ARL14EPL: variants seen among roughly 807,000 people sequenced by gnomAD.
The protein encoded by ARL14EPL is ARL14 effector protein-like.
Under a neutral mutation model 15.9 loss-of-function variants are expected in ARL14EPL, and 17 were observed. The observed-to-expected ratio is 1.07, with a 90% CI of 0.73 to 1.60. The LOEUF is 1.60. ARL14EPL is among the 40% of genes most tolerant of loss of function. The pLI, the probability that ARL14EPL is intolerant of heterozygous loss-of-function variation, is 0.00. For missense variants in ARL14EPL, 214 were observed against 185.9 expected, an observed-to-expected ratio of 1.15 and a Z score of -0.88; for synonymous variants, 78 against 63.8, an observed-to-expected ratio of 1.22 and a Z score of -1.06.
Position 116,051,578 on chromosome 5 carries a change from C to A in ARL14EPL, c.96+17C>A. 6.6e-7 allele frequency: 1 copy of A among 1,510,022 alleles called. No homozygotes were observed. Among genetic ancestry groups the A allele is most frequent in the South Asian group, 1.2e-5 (1 of 83,292 alleles). The allele number at this position is 1,510,022 out of a possible 1,614,324, so 93.5% of individuals were successfully genotyped here. ...AAACAACTGGTATGGCACACAGATT[C>A]TATGATTCCATGCTACTGGGGAGTG... is the stretch of plus-strand genomic sequence containing the variant. On this transcript the variant is annotated intron_variant, in intron 2 of 3. Coordinates refer to ENST00000686077, the MANE Select transcript of ARL14EPL (RefSeq NM_001195581.2).
At chr5:116,051,310 G>C in intron 1 of ARL14EPL, 147 bp from the exon 2 acceptor site, 3 of 594,352 alleles carry the variant, frequency 5.0e-6, no homozygotes. Context: ...GTTTAACAGT[G>C]AGTGGGAGAA....
In ARL14EPL at chr5:116,040,994, G is replaced by A. The variant is rs1278614618; in HGVS notation, c.-10+8489G>A. Among the ~76,000 whole-genome samples, 400 of 55,768 alleles carry A rather than the reference G, an allele frequency of 7.2e-3. 3 individuals carry two copies. Among genetic ancestry groups the A allele is most frequent in the Non-Finnish European group, 9.3e-3 (236 of 25,312 alleles). The allele number at this position is 55,768 out of a possible 152,430, so 36.6% of individuals were successfully genotyped here. On this transcript the variant is annotated intron_variant, in intron 1 of 3. Coordinates refer to ENST00000686077, the MANE Select transcript of ARL14EPL (RefSeq NM_001195581.2). Reference sequence around the variant, plus strand: ...GATTCCCTCTCAAAAAAAAAAAAAAGTTTTTATGCTGTGCATCAAAAAACA... The same window carrying A: ...GATTCCCTCTCAAAAAAAAAAAAAAATTTTTATGCTGTGCATCAAAAAACA...
intron 1 of ARL14EPL, among the ~76,000 whole-genome samples, chr5:116,034,063 C>G (rs1749005995): frequency 6.6e-6 from 1 of 152,144 alleles, no homozygotes; most frequent in Non-Finnish European, 1.5e-5. Flanking sequence ...GTGATGAGTC[C>G]TAGACTCTCA....
intron 1 of ARL14EPL, among the ~76,000 whole-genome samples, chr5:116,049,653 T>C (rs1160177513): frequency 6.6e-6 from 1 of 152,200 alleles, no homozygotes; most frequent in African/African-American, 2.4e-5. Context: ...GCCCTTGTGA[T>C]CTTTTAAATG....
chr5:116,054,634 A>G (rs1749471866), intron 3 of ARL14EPL, among the ~76,000 whole-genome samples: 1 of 152,198 alleles, frequency 6.6e-6, no homozygotes, highest in South Asian at 2.1e-4. Flanking sequence ...GATCTAGACC[A>G]TCCTGGCTAA....
intron 1 of ARL14EPL, among the ~76,000 whole-genome samples, chr5:116,038,226 C>T (rs1246507198): frequency 6.6e-6 from 1 of 152,098 alleles, no homozygotes; most frequent in Non-Finnish European, 1.5e-5. Flanking sequence ...GTTGCTGTGG[C>T]AGATGATGCC....
chr5:116,054,027 G>A lies in ARL14EPL; in HGVS notation c.110G>A (p.Arg37Gln), dbSNP rs1175742449. Reference protein sequence around the residue: ...IGQKQLQQIERQLKCLAFRNP... With the variant: ...IGQKQLQQIEQQLKCLAFRNP... ...TTTGTTTAATAGCAACAAATAGAGC[G>A]GCAGTTAAAATGCTTGGCATTTCGA... is the stretch of plus-strand genomic sequence containing the variant. The change falls in exon 3 of 4, where the codon CGG (arginine) becomes CAG (glutamine). Residue 37 changes from arginine to glutamine, a missense_variant. By Grantham distance (43) the Arg-to-Gln change is conservative. Transcript: ENST00000686077. The A allele has an allele frequency of 1.2e-5, 19 of 1,534,070 alleles. No individual in the cohort carries two copies. The South Asian group carries it at 1.6e-4, about 13-fold the overall frequency.
chr5:116,040,892 A>T (rs1021328400), intron 1 of ARL14EPL, among the ~76,000 whole-genome samples: 5 of 146,760 alleles, frequency 3.4e-5, no homozygotes, highest in African/African-American at 1.2e-4. Context: ...GAGGCAGGAG[A>T]ATCGCATGAA....
At chr5:116,038,076 G>A (rs114984290) in intron 1 of ARL14EPL, among the ~76,000 whole-genome samples, 2,474 of 152,232 alleles carry the variant, frequency 0.016, 86 homozygotes, top group African/African-American at 0.057. Flanking sequence ...TAGGGATGGC[G>A]GAGTGGGTTA....
intron 1 of ARL14EPL, among the ~76,000 whole-genome samples, chr5:116,037,902 G>C (rs980584975): frequency 6.6e-6 from 1 of 152,166 alleles, no homozygotes. Context: ...CATTGATGTA[G>C]GTTATACAAT....
chr5:116,045,998 A>C (rs1333903973), intron 1 of ARL14EPL, among the ~76,000 whole-genome samples: 1 of 152,186 alleles, frequency 6.6e-6, no homozygotes, highest in Non-Finnish European at 1.5e-5. Context: ...AGAGGGCAGC[A>C]AGGGAATGAC....
intron 1 of ARL14EPL, among the ~76,000 whole-genome samples, chr5:116,045,113 A>G (rs1749240501): frequency 6.6e-6 from 1 of 152,186 alleles, no homozygotes; most frequent in Non-Finnish European, 1.5e-5. Flanking sequence ...AACGAAGAGG[A>G]AAAACAAGCC....
chr5:116,058,841 A>G lies in ARL14EPL; in HGVS notation c.353A>G (p.Asn118Ser), dbSNP rs772806173. The G allele has an allele frequency of 2.1e-5, 33 of 1,535,988 alleles. No homozygotes were observed. The highest frequency in any genetic ancestry group is 2.8e-5 in the Non-Finnish European group (32 of 1,146,906). Residue 118 changes from asparagine (N) to serine (S), a missense_variant, in exon 4 of 4, where the codon AAC becomes AGC. Coordinates refer to ENST00000686077, the MANE Select transcript of ARL14EPL (RefSeq NM_001195581.2). ...CFYPCPKCNSNKCGPECRCNR... is the reference protein window; with the variant it reads ...CFYPCPKCNSSKCGPECRCNR... ...TACCCATGCCCGAAGTGTAACTCCA[A>G]CAAGTGTGGGCCCGAGTGCCGCTGC...
intron 1 of ARL14EPL, among the ~76,000 whole-genome samples, chr5:116,037,362 A>G (rs921523138): frequency 3.9e-5 from 6 of 152,258 alleles, no homozygotes; most frequent in African/African-American, 1.2e-4. Flanking sequence ...TGCATAGTCC[A>G]TCTTGCCCTG....
intron 1 of ARL14EPL, among the ~76,000 whole-genome samples, chr5:116,050,713 T>C: frequency 6.6e-6 from 1 of 151,508 alleles, no homozygotes; most frequent in Non-Finnish European, 1.5e-5. Flanking sequence ...GAGAGTGGTG[T>C]TTTCTGATAG....
intron 1 of ARL14EPL, among the ~76,000 whole-genome samples, chr5:116,034,663 G>C (rs1311922988): frequency 3.4e-5 from 5 of 148,368 alleles, no homozygotes; most frequent in Admixed American, 6.8e-5. Flanking sequence ...TCTTCTACCT[G>C]CTGAGTGTCT....
rs557562586 is a variant in ARL14EPL, at chr5:116,058,648, G to A, written c.237-77G>A. On this transcript the variant is annotated intron_variant, in intron 3 of 3. Coordinates refer to ENST00000686077, the MANE Select transcript of ARL14EPL (RefSeq NM_001195581.2). ...AGGGTAAAATGGTCATGTGTATGAT[G>A]TTGATTGTACATTAATTTATTCTCA... 411 of 1,370,434 alleles carry A rather than the reference G, an allele frequency of 3.0e-4. 1 individual carries two copies. Among genetic ancestry groups the A allele is most frequent in the Non-Finnish European group, 4.0e-4 (398 of 1,002,864 alleles). The allele number at this position is 1,370,434 out of a possible 1,614,324, so 84.9% of individuals were successfully genotyped here. A position where few individuals can be genotyped will look rare whatever the true frequency, so the allele number is the denominator to read the frequency against.
At chr5:116,055,021 T>C (rs1749481934) in intron 3 of ARL14EPL, among the ~76,000 whole-genome samples, 1 of 152,056 alleles carries the variant, frequency 6.6e-6, no homozygotes, top group South Asian at 2.1e-4. Context: ...ATATGAAGAA[T>C]CTTACAAGTC....
intron 1 of ARL14EPL, among the ~76,000 whole-genome samples, chr5:116,039,046 G>T (rs906790413): frequency 1.3e-5 from 2 of 152,120 alleles, no homozygotes; most frequent in Non-Finnish European, 2.9e-5. Flanking sequence ...TAGCAGGGTG[G>T]GGGAAGAAGG....
Sources: allele counts gnomAD v4.1 joint callset (sites outside exome capture counted in the v4.1 genomes callset), GRCh38; gene constraint gnomAD v4.1.1; transcripts MANE v1.5; gene names NCBI Gene and HGNC (gene_info 2026-07-23, HGNC 2026-07-21).